The following HMGCLL1 variants were observed in gnomAD, a reference collection of about 807,000 sequenced individuals.
HMGCLL1 encodes 3-hydroxy-3-methylglutaryl-CoA lyase like 1, also known as 3-hydroxymethyl-3-methylglutaryl-CoA lyase, cytoplasmic.
In HMGCLL1, 36 loss-of-function variants were observed where a neutral mutation model predicts 39.1. That is an observed-to-expected ratio of 0.92 (90% CI 0.71 to 1.22). The LOEUF (loss-of-function observed/expected upper bound fraction) is 1.22, where lower values mean the gene tolerates loss of function less well. HMGCLL1 is among the 50% of genes most tolerant of loss of function. The pLI is 0.00. For missense variants in HMGCLL1, 451 were observed against 416.5 expected (o/e 1.08, Z -0.72); for synonymous variants, 149 against 144.0 (o/e 1.03, Z -0.25).
chr6:55,668,793 C>A, the HMGCLL1 span, among the ~76,000 whole-genome samples: 1 of 151,718 alleles, frequency 6.6e-6, no homozygotes, highest in Non-Finnish European at 1.5e-5. Context: ...GGTTATTTTT[C>A]TTTCATTTTT....
At chr6:55,641,985 G>A in the HMGCLL1 span, among the ~76,000 whole-genome samples, 1 of 139,584 alleles carries the variant, frequency 7.2e-6, no homozygotes, top group South Asian at 2.3e-4. Context: ...GTATACATGT[G>A]CCATGCTGGT....
At chr6:55,522,641 G>A (rs1035627098) in intron 3 of HMGCLL1, among the ~76,000 whole-genome samples, 1 of 151,954 alleles carries the variant, frequency 6.6e-6, no homozygotes, top group African/African-American at 2.4e-5. Flanking sequence ...CCATGTACAG[G>A]TCTCTAAATT....
chr6:55,634,958 A>T, the HMGCLL1 span, among the ~76,000 whole-genome samples: 1 of 152,154 alleles, frequency 6.6e-6, no homozygotes, highest in African/African-American at 2.4e-5. Flanking sequence ...AGGCACACTC[A>T]TCTTGATTTT....
At chr6:55,441,351 G>A (rs1055832188) in intron 7 of HMGCLL1, among the ~76,000 whole-genome samples, 1 of 152,098 alleles carries the variant, frequency 6.6e-6, no homozygotes, top group Non-Finnish European at 1.5e-5. Flanking sequence ...TAATTTAGTA[G>A]GAATTGCTAA....
At chr6:55,569,291 A>T (rs956142618) in intron 1 of HMGCLL1, among the ~76,000 whole-genome samples, 4 of 152,108 alleles carry the variant, frequency 2.6e-5, no homozygotes, top group African/African-American at 9.7e-5. Flanking sequence ...AGGAAACATG[A>T]CCCTTTGACA....
chr6:55,647,769 A>ATTTTTT, the HMGCLL1 span, among the ~76,000 whole-genome samples: 5 of 74,676 alleles, frequency 6.7e-5, no homozygotes, highest in South Asian at 4.1e-4. Context: ...ATTTTATTTT[A>ATTTTTT]TTTTTTTTTT....
At position 55,495,419 on chromosome 6, in the gene HMGCLL1, C is replaced by T. The variant is rs1766519214; in HGVS notation, c.795G>A (p.Gln265=). The change falls in exon 7 of 9, where the codon CAG becomes CAA. Residue 265 remains glutamine, a splice_region_variant and synonymous_variant. Coordinates refer to ENST00000274901, the MANE Select transcript of HMGCLL1 (RefSeq NM_001042406.2). ...QALANILTAL[Q]MGINVVDSAV... is the part of the protein sequence containing the mutation. ...ATAACACACAAAGAGTACAAAATAC[C>T]TGAAGGGCCGTAAGGATATTTGCTA... is the stretch of plus-strand genomic sequence containing the variant. 6.2e-7 allele frequency: 1 copy of T among 1,612,462 alleles called. No individual in the cohort carries two copies. Among genetic ancestry groups the T allele is most frequent in the East Asian group, 2.2e-5 (1 of 44,800 alleles).
the HMGCLL1 span, among the ~76,000 whole-genome samples, chr6:55,657,374 A>G: frequency 6.6e-6 from 1 of 151,840 alleles, no homozygotes; most frequent in Non-Finnish European, 1.5e-5. Context: ...TTTGTATATT[A>G]TATAAGGAAG....
chr6:55,664,444 C>T, the HMGCLL1 span, among the ~76,000 whole-genome samples: 28 of 151,686 alleles, frequency 1.8e-4, no homozygotes, highest in South Asian at 4.2e-4. Flanking sequence ...TGACTGGCTA[C>T]GAAATTCTAC....
the HMGCLL1 span, among the ~76,000 whole-genome samples, chr6:55,611,649 A>T: frequency 6.6e-6 from 1 of 152,282 alleles, no homozygotes; most frequent in African/African-American, 2.4e-5. Flanking sequence ...GATGCAAGGC[A>T]GGTTCAACAT....
intron 7 of HMGCLL1, among the ~76,000 whole-genome samples, chr6:55,473,124 T>C (rs186434620): frequency 5.5e-4 from 83 of 151,500 alleles, no homozygotes; most frequent in Non-Finnish European, 1.3e-4. Context: ...ACTTTTAACA[T>C]ACCTGAGTAT....
At chr6:55,516,717 T>C in intron 3 of HMGCLL1, 114 bp from the exon 4 acceptor site, 1 of 553,784 alleles carries the variant, frequency 1.8e-6, no homozygotes, top group Middle Eastern at 3.9e-4. Context: ...TAAATTAATA[T>C]CTGAAATAAA....
the HMGCLL1 span, among the ~76,000 whole-genome samples, chr6:55,637,787 T>C: frequency 2.6e-5 from 4 of 151,682 alleles, no homozygotes; most frequent in African/African-American, 9.7e-5. Context: ...CAGCATTAAA[T>C]TGATATCATA....
chr6:55,649,669 T>C, the HMGCLL1 span, among the ~76,000 whole-genome samples: 1 of 152,048 alleles, frequency 6.6e-6, no homozygotes, highest in African/African-American at 2.4e-5. Flanking sequence ...GAATAAACTT[T>C]CTACCCCTAT....
intron 3 of HMGCLL1, among the ~76,000 whole-genome samples, chr6:55,529,628 C>T (rs770369255): frequency 6.6e-6 from 1 of 152,020 alleles, no homozygotes; most frequent in Non-Finnish European, 1.5e-5. Context: ...CCAGAGTGCT[C>T]GATGACAAAC....
At chr6:55,642,179 A>G in the HMGCLL1 span, among the ~76,000 whole-genome samples, 2 of 142,532 alleles carry the variant, frequency 1.4e-5, no homozygotes, top group Non-Finnish European at 3.0e-5. Flanking sequence ...TGTTCTTGCG[A>G]TAGTTTACTG....
At chr6:55,540,018 G>A (rs1242670728) in intron 3 of HMGCLL1, among the ~76,000 whole-genome samples, 38 of 55,878 alleles carry the variant, frequency 6.8e-4, no homozygotes, top group African/African-American at 1.6e-3. Flanking sequence ...GGGAGGGAGG[G>A]AGGGAGGGAG....
At chr6:55,576,994 A>C in intron 1 of HMGCLL1, 1 of 1,555,682 alleles carries the variant, frequency 6.4e-7, no homozygotes, top group Non-Finnish European at 8.8e-7. Flanking sequence ...GTACACAAAC[A>C]GTAATCAAAT....
upstream of HMGCLL1, among the ~76,000 whole-genome samples, chr6:55,581,633 A>G (rs554449515): frequency 1.5e-4 from 23 of 152,178 alleles, no homozygotes; most frequent in African/African-American, 5.3e-4. Context: ...ATAAAATGAG[A>G]ATAAAAAGAA....
Sources: allele counts gnomAD v4.1 joint callset (sites outside exome capture counted in the v4.1 genomes callset), GRCh38; gene constraint gnomAD v4.1.1; transcripts MANE v1.5; gene names NCBI Gene and HGNC (gene_info 2026-07-23, HGNC 2026-07-21).